Variants in OTUD7A observed in about 807,000 individuals in gnomAD.
The protein encoded by OTUD7A is OTU deubiquitinase 7A, also known as OTU domain-containing protein 7A.
OTUD7A carries 12 observed loss-of-function variants against 65.7 expected under a neutral mutation model. That is an observed-to-expected ratio of 0.18 (90% CI 0.12 to 0.30). The LOEUF is 0.30. OTUD7A is among the 10% of genes least tolerant of loss of function. The pLI is 1.00. For synonymous variants in OTUD7A, 641 were observed against 586.3 expected (o/e 1.09, Z -1.35); for missense variants, 1,148 against 1,304.8 (o/e 0.88, Z 1.85).
intron 8 of OTUD7A, among the ~76,000 whole-genome samples, chr15:31,504,495 GCAGC>G (rs1393751148): frequency 6.6e-6 from 1 of 152,202 alleles, no homozygotes. Context: ...GCAGAAGGTG[GCAGC>G]CTCGATGTCC....
At chr15:31,636,771 T>C (rs1891354373) in intron 3 of OTUD7A, among the ~76,000 whole-genome samples, 1 of 152,210 alleles carries the variant, frequency 6.6e-6, no homozygotes, top group Non-Finnish European at 1.5e-5. Flanking sequence ...TTATTGCCGA[T>C]ACGGAGAAAG....
intron 5 of OTUD7A, among the ~76,000 whole-genome samples, chr15:31,536,305 T>C (rs889120471): frequency 6.6e-6 from 1 of 152,230 alleles, no homozygotes; most frequent in African/African-American, 2.4e-5. Flanking sequence ...TGTCACTTCT[T>C]GGATAATACT....
At chr15:31,796,027 C>G (rs908973223) in intron 1 of OTUD7A, among the ~76,000 whole-genome samples, 9 of 152,098 alleles carry the variant, frequency 5.9e-5, no homozygotes, top group Non-Finnish European at 1.3e-4. Context: ...TCAGTTAAGG[C>G]TTGGAGAGAT....
chr15:31,594,868 C>T (rs1889856859), intron 3 of OTUD7A, among the ~76,000 whole-genome samples: 2 of 152,188 alleles, frequency 1.3e-5, no homozygotes, highest in Admixed American at 6.5e-5. Flanking sequence ...GGCTGGGAGG[C>T]CCTGTCCACC....
At chr15:31,851,445 A>G (rs1897422534) in intron 1 of OTUD7A, among the ~76,000 whole-genome samples, 1 of 152,252 alleles carries the variant, frequency 6.6e-6, no homozygotes, top group Non-Finnish European at 1.5e-5. Flanking sequence ...TGGATTCTCT[A>G]CTTAGGAAAG....
At chr15:31,849,093 T>C (rs1897358224) in intron 1 of OTUD7A, among the ~76,000 whole-genome samples, 1 of 152,242 alleles carries the variant, frequency 6.6e-6, no homozygotes, top group African/African-American at 2.4e-5. Flanking sequence ...GTTAGTCTGA[T>C]GGGCTTCCCT....
intron 1 of OTUD7A, among the ~76,000 whole-genome samples, chr15:31,792,493 T>C (rs1416251865): frequency 6.6e-6 from 1 of 152,156 alleles, no homozygotes; most frequent in Non-Finnish European, 1.5e-5. Flanking sequence ...AGCTTGTTCA[T>C]CCTGCACTGA....
intron 6 of OTUD7A, among the ~76,000 whole-genome samples, chr15:31,529,843 T>C (rs953624482): frequency 2.0e-5 from 3 of 152,204 alleles, no homozygotes; most frequent in Non-Finnish European, 4.4e-5. Context: ...AAACAAGGAC[T>C]GCATTCCTGT....
intron 4 of OTUD7A, among the ~76,000 whole-genome samples, chr15:31,560,392 G>A (rs75946763): frequency 0.023 from 3,530 of 152,282 alleles, 163 homozygotes; most frequent in African/African-American, 0.08. Flanking sequence ...AATGAGAAAC[G>A]CAGTGTAGGA....
chr15:31,495,379 T>C (rs1364267571), intron 10 of OTUD7A, among the ~76,000 whole-genome samples: 1 of 152,214 alleles, frequency 6.6e-6, no homozygotes, highest in African/African-American at 2.4e-5. Flanking sequence ...CAGAGCTCCA[T>C]AGCCATGAAG....
At chr15:31,710,514 G>A (rs1174859797) in intron 1 of OTUD7A, among the ~76,000 whole-genome samples, 2 of 152,102 alleles carry the variant, frequency 1.3e-5, no homozygotes. Context: ...GCCCTGCATA[G>A]AGGTGCAGAG....
At chr15:31,615,009 C>T (rs533493711) in intron 3 of OTUD7A, among the ~76,000 whole-genome samples, 127 of 151,912 alleles carry the variant, frequency 8.4e-4, no homozygotes, top group African/African-American at 2.8e-3. Flanking sequence ...AGGAATGTAC[C>T]GGGAAGAAGC....
At chr15:31,764,232 A>G (rs1895044926) in intron 1 of OTUD7A, among the ~76,000 whole-genome samples, 1 of 152,196 alleles carries the variant, frequency 6.6e-6, no homozygotes, top group African/African-American at 2.4e-5. Flanking sequence ...TAGTATACAA[A>G]TGCCTTAGAA....
chr15:31,742,059 A>C (rs1297861037), intron 1 of OTUD7A, among the ~76,000 whole-genome samples: 2 of 152,138 alleles, frequency 1.3e-5, no homozygotes, highest in African/African-American at 4.8e-5. Context: ...TAAACAAGTT[A>C]AATCAACAGA....
intron 1 of OTUD7A, among the ~76,000 whole-genome samples, chr15:31,659,319 C>T (rs1024061540): frequency 2.0e-5 from 3 of 152,042 alleles, no homozygotes; most frequent in Admixed American, 1.3e-4. Flanking sequence ...GTAGTGAATG[C>T]TTTTAACATC....
chr15:31,765,767 TG>T, intron 1 of OTUD7A: 1 of 1,328,818 alleles, frequency 7.5e-7, no homozygotes, highest in Non-Finnish European at 1.1e-6. Flanking sequence ...TACAGAACTT[TG>T]GTTTTCTTAA....
chr15:31,527,135 C>T, intron 7 of OTUD7A, 46 bp downstream of exon 7: 1 of 1,611,112 alleles, frequency 6.2e-7, no homozygotes, highest in Non-Finnish European at 8.5e-7. Context: ...CCCGAGGCTG[C>T]ATCTGGCCTG....
chr15:31,748,883 C>A lies in OTUD7A; in HGVS notation c.-99-91806G>T, dbSNP rs575993780. Among the ~76,000 whole-genome samples the A allele has an allele frequency of 2.6e-5, 4 of 152,162 alleles. No individual in the cohort carries two copies. The South Asian group carries it at 6.2e-4, about 24-fold the overall frequency. ...TTTAGGTTGCTTCCAGTGTAGGGCT[C>A]TTACAAACAGCATGGAAAGGTGCTG... On this transcript the variant is annotated intron_variant, in intron 1 of 12. Coordinates refer to ENST00000307050, the MANE Select transcript of OTUD7A (RefSeq NM_001382637.1).
At chr15:31,857,725 T>C (rs922445903) in intron 1 of OTUD7A, among the ~76,000 whole-genome samples, 24 of 152,248 alleles carry the variant, frequency 1.6e-4, no homozygotes, top group African/African-American at 5.8e-4. Context: ...CTTGCTCTGC[T>C]ATCCTGGGCA....
Sources: allele counts gnomAD v4.1 joint callset (sites outside exome capture counted in the v4.1 genomes callset), GRCh38; gene constraint gnomAD v4.1.1; transcripts MANE v1.5; gene names NCBI Gene and HGNC (gene_info 2026-07-23, HGNC 2026-07-21).